Variants in AHI1 observed in about 807,000 individuals in gnomAD.
The protein encoded by AHI1 is jouberin.
A neutral mutation model predicts 149.3 loss-of-function variants in AHI1; 123 were observed. The observed-to-expected ratio is 0.82, with a 90% CI of 0.71 to 0.96. The LOEUF (loss-of-function observed/expected upper bound fraction) is 0.96, where lower values mean the gene tolerates loss of function less well. Among genes scored for constraint, AHI1 ranks in the 40% least tolerant of loss-of-function variants. The pLI, the probability that AHI1 is intolerant of heterozygous loss-of-function variation, is 0.00. For missense variants in AHI1, 1,439 were observed against 1,422.7 expected, an observed-to-expected ratio of 1.01 and a Z score of -0.18; for synonymous variants, 475 against 459.8, an observed-to-expected ratio of 1.03 and a Z score of -0.42.
chr6:135,325,272 T>C (rs1369423784), intron 24 of AHI1, among the ~76,000 whole-genome samples: 2 of 152,112 alleles, frequency 1.3e-5, no homozygotes, highest in African/African-American at 4.8e-5. Context: ...GGTGATCTGC[T>C]CGCCTTGGCC....
At chr6:135,339,402 T>C (rs942974255) in intron 24 of AHI1, among the ~76,000 whole-genome samples, 1 of 152,192 alleles carries the variant, frequency 6.6e-6, no homozygotes, top group African/African-American at 2.4e-5. Context: ...AATACTATTA[T>C]AAGTATGTTC....
intron 20 of AHI1, among the ~76,000 whole-genome samples, chr6:135,414,005 C>T (rs1583111230): frequency 2.0e-5 from 3 of 152,078 alleles, no homozygotes; most frequent in East Asian, 3.9e-4. Context: ...ATTCTAAAAT[C>T]GACATGGAAA....
chr6:135,366,211 T>A (rs1774155308), intron 23 of AHI1, among the ~76,000 whole-genome samples: 1 of 152,104 alleles, frequency 6.6e-6, no homozygotes, highest in Admixed American at 6.5e-5. Flanking sequence ...ATTTTTGCAT[T>A]TATGTTAATC....
intron 27 of AHI1, among the ~76,000 whole-genome samples, chr6:135,293,266 A>C (rs1169024088): frequency 6.6e-6 from 1 of 151,974 alleles, no homozygotes; most frequent in Non-Finnish European, 1.5e-5. Context: ...GAATAACATC[A>C]TACTTCATGG....
intron 24 of AHI1, among the ~76,000 whole-genome samples, chr6:135,338,310 A>C (rs1364441582): frequency 6.6e-6 from 1 of 151,788 alleles, no homozygotes; most frequent in Non-Finnish European, 1.5e-5. Flanking sequence ...CAAAAAAAAA[A>C]AAAAAAAAAG....
At chr6:135,496,318 A>G (rs541263752) in intron 2 of AHI1, among the ~76,000 whole-genome samples, 5 of 152,086 alleles carry the variant, frequency 3.3e-5, no homozygotes, top group Non-Finnish European at 7.4e-5. Context: ...GGTTTCACCA[A>G]CATTGGCCAG....
intron 22 of AHI1, among the ~76,000 whole-genome samples, chr6:135,396,666 T>C (rs1779256612): frequency 6.6e-6 from 1 of 151,884 alleles, no homozygotes; most frequent in Admixed American, 6.6e-5. Flanking sequence ...ACTTAACTAT[T>C]TAATTCACTT....
At chr6:135,390,078 C>A (rs531336608) in intron 23 of AHI1, among the ~76,000 whole-genome samples, 4 of 151,874 alleles carry the variant, frequency 2.6e-5, no homozygotes, top group Non-Finnish European at 5.9e-5. Context: ...TATGTGCGGC[C>A]CAAGACAAGT....
chr6:135,388,148 G>A (rs1020259198), intron 23 of AHI1: 19 of 1,150,364 alleles, frequency 1.7e-5, no homozygotes, highest in South Asian at 5.9e-5. Flanking sequence ...TAATTTTGTA[G>A]ATTACCTATT....
At position 135,298,115 on chromosome 6, in the gene AHI1, T is replaced by C. The variant is rs117246220; in HGVS notation, c.3485+2385A>G. ...CTTGTTAAGGATGACAGCATATTTATAGCAGCCTCATTACCAACTCTGACT... is the reference window on the plus strand; with the variant it reads ...CTTGTTAAGGATGACAGCATATTTACAGCAGCCTCATTACCAACTCTGACT... On this transcript the variant is annotated intron_variant, in intron 27 of 28. Transcript: ENST00000265602. Among the ~76,000 whole-genome samples, 745 of 152,276 alleles carry C rather than the reference T, an allele frequency of 4.9e-3. 24 individuals carry two copies. Among genetic ancestry groups the C allele is most frequent in the East Asian group, 8.7e-3 (45 of 5,184 alleles).
intron 23 of AHI1, among the ~76,000 whole-genome samples, chr6:135,370,077 T>G (rs974068570): frequency 2.6e-5 from 4 of 152,220 alleles, no homozygotes; most frequent in Admixed American, 6.5e-5. Flanking sequence ...CTAATTCACA[T>G]GCCTCAGAAT....
intron 9 of AHI1, 69 bp downstream of exon 9, chr6:135,457,425 C>T: frequency 8.3e-7 from 1 of 1,200,820 alleles, no homozygotes; most frequent in Non-Finnish European, 1.2e-6. Context: ...CTTTCAACTA[C>T]CAATGGCAGA....
rs566511251 is a variant in AHI1, at chr6:135,322,852, C to G, written c.3328+310G>C. 4.6e-5 allele frequency among the ~76,000 whole-genome samples: 7 copies of G among 152,264 alleles called. No individual in the cohort carries two copies. The South Asian group carries it at 1.5e-3, about 32-fold the overall frequency. On this transcript the variant is annotated intron_variant, in intron 25 of 28. Transcript: ENST00000265602. ...AGGAGGCACTGTGGCTAGAGAAGAA[C>G]TGACAGAACTGTGCATGAGGCAGGT...
At chr6:135,459,088 T>C (rs1156268243) in intron 8 of AHI1, among the ~76,000 whole-genome samples, 1 of 152,170 alleles carries the variant, frequency 6.6e-6, no homozygotes, top group Non-Finnish European at 1.5e-5. Context: ...GAAATTGCAT[T>C]CTTTTCAAAT....
chr6:135,297,701 A>T lies in AHI1; in HGVS notation c.3485+2799T>A, dbSNP rs57713264. Reference sequence around the variant, plus strand: ...AGAAATTGGGGGTAGGATGAGGATTAAAAAAAGGCAGAAAACGGATAATAA... The same window carrying T: ...AGAAATTGGGGGTAGGATGAGGATTTAAAAAAGGCAGAAAACGGATAATAA... On this transcript the variant is annotated intron_variant, in intron 27 of 28. Transcript: ENST00000265602. Among the ~76,000 whole-genome samples the T allele has an allele frequency of 1.2e-3, 189 of 152,236 alleles. 1 individual carries two copies. Among genetic ancestry groups the T allele is most frequent in the African/African-American group, 4.2e-3 (173 of 41,540 alleles).
chr6:135,490,188 G>A, intron 5 of AHI1: 1 of 724,214 alleles, frequency 1.4e-6, no homozygotes, highest in South Asian at 1.5e-5. Flanking sequence ...AACATAAAAG[G>A]ATAATTATTA....
At chr6:135,423,975 T>C (rs1783586856) in intron 20 of AHI1, among the ~76,000 whole-genome samples, 1 of 152,018 alleles carries the variant, frequency 6.6e-6, no homozygotes, top group South Asian at 2.1e-4. Context: ...TGTGTCAGTA[T>C]TCAGGGTAGG....
intron 20 of AHI1, 39 bp from the exon 21 acceptor site, chr6:135,411,583 CA>C: frequency 6.7e-7 from 1 of 1,485,486 alleles, no homozygotes; most frequent in Non-Finnish European, 9.0e-7. Context: ...ATCATCATAG[CA>C]AAAGCATAAT....
At position 135,384,218 on chromosome 6, in the gene AHI1, T is replaced by C. The variant is rs1582950021; in HGVS notation, c.3109+10558A>G. ...AGTTCTAAGAACATAGTGCTTTCCC[T>C]TTCTAAAATTTAGTGGGAAGTTAGA... On this transcript the variant is annotated intron_variant, in intron 23 of 28. Transcript: ENST00000265602. 1.3e-5 allele frequency among the ~76,000 whole-genome samples: 2 copies of C among 152,344 alleles called. 1 individual carries two copies. The highest frequency in any genetic ancestry group is 2.9e-5 in the Non-Finnish European group (2 of 68,024).
Sources: allele counts gnomAD v4.1 joint callset (sites outside exome capture counted in the v4.1 genomes callset), GRCh38; gene constraint gnomAD v4.1.1; transcripts MANE v1.5; gene names NCBI Gene and HGNC (gene_info 2026-07-23, HGNC 2026-07-21).